Variants in SMAD3 observed in about 807,000 individuals in gnomAD.
The protein encoded by SMAD3 is MAD homolog 3.
A neutral mutation model predicts 51.8 loss-of-function variants in SMAD3; 12 were observed. That is an observed-to-expected ratio of 0.23 (90% CI 0.15 to 0.38). The LOEUF is 0.38. Among genes scored for constraint, SMAD3 ranks in the 10% least tolerant of loss-of-function variants. The pLI is 1.00. For synonymous variants in SMAD3, 238 were observed against 227.7 expected, an observed-to-expected ratio of 1.05 and a Z score of -0.41; for missense variants, 294 against 565.6, an observed-to-expected ratio of 0.52 and a Z score of 4.87.
chr15:67,113,076 G>GTGTATATATATATATATATATATATA (rs763595789), intron 1 of SMAD3, among the ~76,000 whole-genome samples: 1 of 34,972 alleles, frequency 2.9e-5, no homozygotes, highest in South Asian at 1.5e-3. Context: ...ATATATATGT[G>GTGTATATATATATATATATATATATA]TATATATATA....
chr15:67,065,888 C>T lies in SMAD3; in HGVS notation c.-267C>T, dbSNP rs1447883916. 2.8e-5 allele frequency: 6 copies of T among 216,794 alleles called. No homozygotes were observed. Among genetic ancestry groups the T allele is most frequent in the East Asian group, 6.7e-5 (1 of 14,988 alleles). 13.4% of individuals were successfully genotyped at this position (216,794 alleles called of 1,614,324 possible). ...GCCGCCTCCGCCCCGCGTTCGGGGCCTTCCCGACCCTGCACTGCTGCCGTC... is the reference window on the plus strand; with the variant it reads ...GCCGCCTCCGCCCCGCGTTCGGGGCTTTCCCGACCCTGCACTGCTGCCGTC... On this transcript the variant is annotated 5_prime_UTR_variant, in exon 1 of 9. Transcript: ENST00000327367.
intron 1 of SMAD3, among the ~76,000 whole-genome samples, chr15:67,137,762 G>A (rs927415721): frequency 2.0e-5 from 3 of 152,140 alleles, no homozygotes; most frequent in Admixed American, 6.5e-5. Context: ...CTCTCAAGCC[G>A]AATTTTCTCT....
chr15:67,183,205 G>A (rs189084834), intron 6 of SMAD3, among the ~76,000 whole-genome samples: 15 of 150,488 alleles, frequency 1.0e-4, no homozygotes, highest in African/African-American at 3.2e-4. Flanking sequence ...ACCACACCTG[G>A]CTAATTTTTT....
intron 1 of SMAD3, among the ~76,000 whole-genome samples, chr15:67,142,404 T>C (rs1023529572): frequency 1.8e-4 from 27 of 152,178 alleles, no homozygotes; most frequent in African/African-American, 6.5e-4. Context: ...CTGCAGAACT[T>C]TTGAGGACAA....
chr15:67,114,640 G>C (rs1418149004), intron 1 of SMAD3, among the ~76,000 whole-genome samples: 2 of 152,150 alleles, frequency 1.3e-5, no homozygotes, highest in East Asian at 3.8e-4. Context: ...AAGTCATATG[G>C]TGAGTGGGTT....
At chr15:67,172,127 T>C (rs533427444) in intron 5 of SMAD3, among the ~76,000 whole-genome samples, 1 of 152,328 alleles carries the variant, frequency 6.6e-6, no homozygotes, top group Admixed American at 6.5e-5. Flanking sequence ...CTCTAGATTG[T>C]GTAGACTAGG....
chr15:67,168,137 T>G (rs937521287), intron 4 of SMAD3, among the ~76,000 whole-genome samples: 1 of 152,230 alleles, frequency 6.6e-6, no homozygotes, highest in African/African-American at 2.4e-5. Flanking sequence ...GTATTTTTAG[T>G]AGAGACAGGG....
intron 1 of SMAD3, among the ~76,000 whole-genome samples, chr15:67,142,446 G>T (rs1485987184): frequency 6.6e-6 from 1 of 152,158 alleles, no homozygotes. Flanking sequence ...ATTTCCTTCA[G>T]GAATGGCGAA....
rs769153458 is a variant in SMAD3, at chr15:67,066,331, C to T, written c.177C>T (p.Asn59=). ...DELEKAITTQ[N]VNTKCITIPR... ...TGGAGAAGGCCATCACCACGCAGAACGTCAACACCAAGTGCATCACCATCC... is the reference window on the plus strand; with the variant it reads ...TGGAGAAGGCCATCACCACGCAGAATGTCAACACCAAGTGCATCACCATCC... Residue 59 remains asparagine (N), a synonymous_variant, in exon 1 of 9, where the codon AAC becomes AAT. Transcript: ENST00000327367. 13 of 1,613,478 alleles carry T rather than the reference C, an allele frequency of 8.1e-6. No individual in the cohort carries two copies. The Admixed American group carries it at 2.2e-4, about 27-fold the overall frequency.
At position 67,166,789 on chromosome 15, in the gene SMAD3, C is replaced by T. The variant is rs1026881356; in HGVS notation, c.543C>T (p.Pro181=). The T allele has an allele frequency of 1.3e-6, 2 of 1,593,592 alleles. No individual in the cohort carries two copies. Among genetic ancestry groups the T allele is most frequent in the Non-Finnish European group, 8.6e-7 (1 of 1,169,502 alleles). ...CCTTCTGATTCCCAGAGACCCCACC[C>T]CCTGGCTACCTGAGTGAAGATGGAG... ...EPQSNIPETP[P]PGYLSEDGET... is the part of the protein sequence containing the mutation. Residue 181 remains proline (P), a synonymous_variant, in exon 4 of 9, where the codon CCC becomes CCT. Coordinates refer to ENST00000327367, the MANE Select transcript of SMAD3 (RefSeq NM_005902.4).
chr15:67,085,498 C>T (rs1056299338), intron 1 of SMAD3, among the ~76,000 whole-genome samples: 2 of 152,176 alleles, frequency 1.3e-5, no homozygotes, highest in Non-Finnish European at 2.9e-5. Context: ...GTATAGTCAA[C>T]TCTGGACTAG....
At chr15:67,111,770 C>T (rs920861408) in intron 1 of SMAD3, among the ~76,000 whole-genome samples, 2 of 152,088 alleles carry the variant, frequency 1.3e-5, no homozygotes, top group African/African-American at 2.4e-5. Context: ...TCTCCTTGTG[C>T]TTTTTGGCAT....
chr15:67,092,257 CA>C (rs1192119610), intron 1 of SMAD3, among the ~76,000 whole-genome samples: 1 of 152,196 alleles, frequency 6.6e-6, no homozygotes, highest in Non-Finnish European at 1.5e-5. Flanking sequence ...GGACTTGGAC[CA>C]GCACAGGGTG....
intron 4 of SMAD3, among the ~76,000 whole-genome samples, chr15:67,170,328 C>A (rs1285882639): frequency 6.6e-6 from 1 of 152,150 alleles, no homozygotes; most frequent in African/African-American, 2.4e-5. Flanking sequence ...TCATAAGAGA[C>A]CTCTGAGATC....
chr15:67,181,437 G>C lies in SMAD3; in HGVS notation c.855G>C (p.Leu285=), dbSNP rs756530470. Residue 285 remains leucine, a synonymous_variant, in exon 6 of 9, where the codon CTG becomes CTC. Coordinates refer to ENST00000327367, the MANE Select transcript of SMAD3 (RefSeq NM_005902.4). ...SNVNRNAAVE[L]TRRHIGRGVR... is the part of the protein sequence containing the mutation. ...TCAACAGGAATGCAGCAGTGGAGCTGACACGGAGACACATCGGTATGGGGT... is the reference window on the plus strand; with the variant it reads ...TCAACAGGAATGCAGCAGTGGAGCTCACACGGAGACACATCGGTATGGGGT... 1.2e-6 allele frequency: 2 copies of C among 1,613,252 alleles called. No homozygotes were observed. The highest frequency in any genetic ancestry group is 1.7e-6 in the Non-Finnish European group (2 of 1,179,944).
intron 1 of SMAD3, among the ~76,000 whole-genome samples, chr15:67,090,830 G>A (rs1385758371): frequency 6.6e-6 from 1 of 152,148 alleles, no homozygotes; most frequent in East Asian, 1.9e-4. Flanking sequence ...TAAGCCTCTC[G>A]ATCTGTTGTT....
intron 1 of SMAD3, among the ~76,000 whole-genome samples, chr15:67,091,407 G>A (rs1216856128): frequency 1.3e-5 from 2 of 152,164 alleles, no homozygotes; most frequent in Non-Finnish European, 2.9e-5. Context: ...CCGGTGTTGC[G>A]GTGATACATG....
At chr15:67,103,949 G>A (rs1049936673) in intron 1 of SMAD3, among the ~76,000 whole-genome samples, 1 of 152,190 alleles carries the variant, frequency 6.6e-6, no homozygotes, top group African/African-American at 2.4e-5. Flanking sequence ...CAGAGGTGTT[G>A]ACGTTCAAGG....
At chr15:67,183,947 C>T (rs1963150852) in intron 6 of SMAD3, among the ~76,000 whole-genome samples, 1 of 152,122 alleles carries the variant, frequency 6.6e-6, no homozygotes, top group Non-Finnish European at 1.5e-5. Context: ...AGAAGGAGCC[C>T]TGCAGGTTTA....
Sources: gnomAD v4.1 joint callset for allele counts (sites outside exome capture counted in the v4.1 genomes callset) on GRCh38, gnomAD v4.1.1 for gene constraint, MANE v1.5 for transcripts, NCBI Gene and HGNC (gene_info 2026-07-23, HGNC 2026-07-21) for gene names.